Variants in FRAS1 observed in about 807,000 individuals in gnomAD.
FRAS1 encodes extracellular matrix organizing protein FRAS1.
FRAS1 carries 290 observed loss-of-function variants against 435.2 expected under a neutral mutation model. The observed-to-expected ratio is 0.67, with a 90% CI of 0.61 to 0.73. The LOEUF (loss-of-function observed/expected upper bound fraction) is 0.73. FRAS1 is among the 30% of genes least tolerant of loss of function. FRAS1 has a pLI of 0.00. For synonymous variants in FRAS1, 1,800 were observed against 1,851.0 expected (o/e 0.97, Z 0.71); for missense variants, 4,860 against 5,001.5 (o/e 0.97, Z 0.85).
intron 2 of FRAS1, among the ~76,000 whole-genome samples, chr4:78,217,809 C>A: frequency 8.4e-6 from 1 of 118,596 alleles, no homozygotes; most frequent in Non-Finnish European, 1.8e-5. Flanking sequence ...CTCTCCCCTC[C>A]CCTCTCCTCC....
chr4:78,439,126 T>C (rs1734554211), intron 40 of FRAS1, 62 bp downstream of exon 40: 1 of 1,393,802 alleles, frequency 7.2e-7, no homozygotes, highest in Non-Finnish European at 9.8e-7. Flanking sequence ...CGTAGTAATG[T>C]AAATGAAGGA....
At position 78,252,472 on chromosome 4, in the gene FRAS1, C is replaced by G; in HGVS notation, c.390C>G (p.Cys130Trp). ...HGEVRCTPQPCPPLSCGHQEL... is the reference protein window; with the variant it reads ...HGEVRCTPQPWPPLSCGHQEL... ...AAGTCCGATGTACCCCCCAACCATGCCCACCGCTGTCATGTGGACACCAGG... is the reference window on the plus strand; with the variant it reads ...AAGTCCGATGTACCCCCCAACCATGGCCACCGCTGTCATGTGGACACCAGG... Residue 130 changes from cysteine to tryptophan, a missense_variant, in exon 5 of 74, where the codon TGC becomes TGG. Cys to Trp is a radical substitution (Grantham distance 215). Transcript: ENST00000512123. The G allele has an allele frequency of 6.2e-7, 1 of 1,613,698 alleles. No individual in the cohort carries two copies.
At chr4:78,260,662 G>T (rs1042006294) in intron 6 of FRAS1, among the ~76,000 whole-genome samples, 6 of 152,130 alleles carry the variant, frequency 3.9e-5, no homozygotes, top group African/African-American at 1.4e-4. Flanking sequence ...GGGACAATTT[G>T]ACTTCCTCTT....
chr4:78,146,605 C>T (rs1204446173), intron 2 of FRAS1, among the ~76,000 whole-genome samples: 2 of 152,068 alleles, frequency 1.3e-5, no homozygotes, highest in African/African-American at 2.4e-5. Flanking sequence ...AAACTTATTT[C>T]GTCTATGTCC....
intron 59 of FRAS1, among the ~76,000 whole-genome samples, chr4:78,495,615 A>G (rs1247339656): frequency 6.6e-6 from 1 of 152,150 alleles, no homozygotes; most frequent in African/African-American, 2.4e-5. Flanking sequence ...ACATGTCTGT[A>G]TTTGTTTTAA....
In FRAS1 at chr4:78,513,497, A is replaced by G; in HGVS notation, c.10119A>G (p.Arg3373=). 1.2e-6 allele frequency: 2 copies of G among 1,613,912 alleles called. No individual in the cohort carries two copies. The highest frequency in any genetic ancestry group is 2.2e-5 in the South Asian group (2 of 91,076). ...LHFLLSESIY[R]HQHVCSNLVT... is the part of the protein sequence containing the mutation. ...TTCTACTGTCTGAGTCCATCTACAG[A>G]CACCAGCACGTCTGCTCCAATTTAG... The change falls in exon 65 of 74, where the codon AGA becomes AGG. Residue 3373 remains arginine (R), a synonymous_variant. Coordinates refer to ENST00000512123, the MANE Select transcript of FRAS1 (RefSeq NM_025074.7).
intron 2 of FRAS1, among the ~76,000 whole-genome samples, chr4:78,135,917 A>G (rs140104550): frequency 5.3e-5 from 8 of 151,610 alleles, no homozygotes; most frequent in Middle Eastern, 3.4e-3. Context: ...TAAGGGAAAT[A>G]TAAGTTTAGG....
At chr4:78,447,826 CTT>C (rs1718900829) in intron 43 of FRAS1, among the ~76,000 whole-genome samples, 1 of 152,050 alleles carries the variant, frequency 6.6e-6, no homozygotes, top group South Asian at 2.1e-4. Flanking sequence ...CCTTAAGAGA[CTT>C]TTTAGCTAGG....
intron 47 of FRAS1, among the ~76,000 whole-genome samples, chr4:78,459,280 A>G (rs933389566): frequency 1.3e-5 from 2 of 152,202 alleles, no homozygotes; most frequent in African/African-American, 4.8e-5. Context: ...TCTCCCTTCA[A>G]CAAACACTTA....
intron 18 of FRAS1, among the ~76,000 whole-genome samples, chr4:78,329,467 G>A (rs984447998): frequency 6.6e-6 from 1 of 152,176 alleles, no homozygotes; most frequent in East Asian, 1.9e-4. Context: ...ACCACTGCCG[G>A]AATGGCATTA....
intron 1 of FRAS1, among the ~76,000 whole-genome samples, chr4:78,058,968 G>C (rs577261857): frequency 2.0e-5 from 3 of 152,358 alleles, no homozygotes; most frequent in African/African-American, 7.2e-5. Flanking sequence ...TGCTTAGGGA[G>C]GGGGAAGGGA....
At chr4:78,216,037 A>C (rs1393248997) in intron 2 of FRAS1, among the ~76,000 whole-genome samples, 1 of 152,254 alleles carries the variant, frequency 6.6e-6, no homozygotes, top group Non-Finnish European at 1.5e-5. Context: ...TAGAACCTGT[A>C]ATACTATGTC....
intron 4 of FRAS1, among the ~76,000 whole-genome samples, chr4:78,251,426 A>G (rs1725525478): frequency 6.6e-6 from 1 of 152,268 alleles, no homozygotes; most frequent in Non-Finnish European, 1.5e-5. Flanking sequence ...GTCAAGGTGT[A>G]CAACACGGTT....
At chr4:78,402,924 C>G (rs888421060) in intron 30 of FRAS1, among the ~76,000 whole-genome samples, 3 of 152,246 alleles carry the variant, frequency 2.0e-5, no homozygotes, top group Middle Eastern at 6.8e-3. Context: ...GTGCTTTTCC[C>G]CCTTTCTCAG....
chr4:78,341,655 C>G (rs1278654132), intron 20 of FRAS1, among the ~76,000 whole-genome samples: 1 of 152,102 alleles, frequency 6.6e-6, no homozygotes, highest in African/African-American at 2.4e-5. Flanking sequence ...GGTTGGTGCT[C>G]CCTCAGCCCT....
At chr4:78,501,730 A>G (rs1380103140) in intron 61 of FRAS1, among the ~76,000 whole-genome samples, 1 of 151,822 alleles carries the variant, frequency 6.6e-6, no homozygotes, top group Non-Finnish European at 1.5e-5. Flanking sequence ...AATTAATTAG[A>G]TCCCATTTGT....
At position 78,479,543 on chromosome 4, in the gene FRAS1, G is replaced by A. The variant is rs563252514; in HGVS notation, c.8268G>A (p.Met2756Ile). The change falls in exon 56 of 74, where the codon ATG (methionine) becomes ATA (isoleucine). Residue 2756 changes from methionine (M) to isoleucine (I), a missense_variant. Transcript: ENST00000512123. The part of the protein sequence containing the change: ...PGVTMSTCDV[M>I]LIDDSEYEEE... ...TGACCATGTCCACCTGTGATGTCAT[G>A]CTTATTGATGACAGCGAGTATGAAG... is the stretch of plus-strand genomic sequence containing the variant. 1.9e-6 allele frequency: 3 copies of A among 1,613,836 alleles called. No individual in the cohort carries two copies. Among genetic ancestry groups the A allele is most frequent in the Non-Finnish European group, 2.5e-6 (3 of 1,179,846 alleles).
chr4:78,476,956 G>C (rs1719869550), intron 54 of FRAS1, among the ~76,000 whole-genome samples: 1 of 148,578 alleles, frequency 6.7e-6, no homozygotes, highest in South Asian at 2.2e-4. Context: ...CATAGTCGTG[G>C]TTTCACTTGA....
At chr4:78,344,600 G>A (rs1354376714) in intron 20 of FRAS1, among the ~76,000 whole-genome samples, 1 of 125,718 alleles carries the variant, frequency 8.0e-6, no homozygotes, top group Non-Finnish European at 1.7e-5. Context: ...TTTTTTTTTT[G>A]GTTGGTGAAT....
Sources: allele counts gnomAD v4.1 joint callset (sites outside exome capture counted in the v4.1 genomes callset), GRCh38; gene constraint gnomAD v4.1.1; transcripts MANE v1.5; gene names NCBI Gene and HGNC (gene_info 2026-07-23, HGNC 2026-07-21).